Variants in ARHGAP10 observed in about 807,000 individuals in gnomAD.
The protein encoded by ARHGAP10 is Rho GTPase activating protein 10, also known as rho GTPase-activating protein 10.
A neutral mutation model predicts 108.6 loss-of-function variants in ARHGAP10; 87 were observed. The ratio of observed to expected loss-of-function variants is 0.80; its 90% confidence interval spans 0.67 to 0.96. ARHGAP10 has a LOEUF of 0.96. ARHGAP10 is among the 40% of genes least tolerant of loss of function. ARHGAP10 has a pLI of 0.00. For missense variants in ARHGAP10, 939 were observed against 954.5 expected, an observed-to-expected ratio of 0.98 and a Z score of 0.21; for synonymous variants, 347 against 341.1, an observed-to-expected ratio of 1.02 and a Z score of -0.19.
chr4:147,990,237 T>A (rs911239366), intron 18 of ARHGAP10, among the ~76,000 whole-genome samples: 1 of 152,234 alleles, frequency 6.6e-6, no homozygotes, highest in African/African-American at 2.4e-5. Flanking sequence ...CTGCATTTAG[T>A]TAGTGATAAC....
intron 1 of ARHGAP10, among the ~76,000 whole-genome samples, chr4:147,812,275 G>T (rs182007459): frequency 2.8e-4 from 42 of 152,208 alleles, no homozygotes; most frequent in Non-Finnish European, 5.9e-5. Flanking sequence ...GGGGTACTTG[G>T]TTACATATTT....
At chr4:147,939,096 C>T (rs774455744) in intron 13 of ARHGAP10, among the ~76,000 whole-genome samples, 1 of 152,182 alleles carries the variant, frequency 6.6e-6, no homozygotes, top group Non-Finnish European at 1.5e-5. Context: ...ACTCAGTTTG[C>T]TAATTGCATC....
intron 18 of ARHGAP10, among the ~76,000 whole-genome samples, chr4:148,006,535 A>G (rs751368997): frequency 3.3e-5 from 5 of 152,184 alleles, no homozygotes; most frequent in African/African-American, 7.2e-5. Flanking sequence ...GCCACTGTGG[A>G]GCATTAGAGA....
At chr4:148,015,402 A>G (rs948317138) in intron 18 of ARHGAP10, among the ~76,000 whole-genome samples, 1 of 152,214 alleles carries the variant, frequency 6.6e-6, no homozygotes, top group South Asian at 2.1e-4. Context: ...AGTTTGCTCA[A>G]CTGTGAAATA....
intron 1 of ARHGAP10, among the ~76,000 whole-genome samples, chr4:147,762,475 G>A (rs141074622): frequency 9.9e-4 from 150 of 150,812 alleles, no homozygotes; most frequent in African/African-American, 3.4e-3. Context: ...TTGGGTAGGT[G>A]AACTAGCAAA....
chr4:147,932,339 A>G (rs1737735956), intron 13 of ARHGAP10, among the ~76,000 whole-genome samples: 1 of 152,190 alleles, frequency 6.6e-6, no homozygotes, highest in Non-Finnish European at 1.5e-5. Flanking sequence ...GTTTTATTAT[A>G]AAGACGCATG....
rs557525280 is a variant in ARHGAP10 at position 147,793,324 on chromosome 4, T to A, written c.155-29403T>A. On this transcript the variant is annotated intron_variant, in intron 1 of 22. Coordinates refer to ENST00000336498, the MANE Select transcript of ARHGAP10 (RefSeq NM_024605.4). ...CACACACATATATATATATATATTT[T>A]TTTTTTTTTACAAATGTACAGTTGT... Among the ~76,000 whole-genome samples the A allele has an allele frequency of 6.5e-3, 956 of 147,796 alleles. 21 individuals are homozygous for A. Among genetic ancestry groups the A allele is most frequent in the African/African-American group, 0.022 (858 of 39,530 alleles).
chr4:147,935,904 A>G (rs918625933), intron 13 of ARHGAP10, among the ~76,000 whole-genome samples: 4 of 152,240 alleles, frequency 2.6e-5, no homozygotes, highest in African/African-American at 7.2e-5. Context: ...CTCAGTATGC[A>G]TTAGCAATTA....
chr4:147,798,902 G>A (rs1354800640), intron 1 of ARHGAP10, among the ~76,000 whole-genome samples: 1 of 150,748 alleles, frequency 6.6e-6, no homozygotes, highest in Admixed American at 6.6e-5. Flanking sequence ...GTTCGAATTG[G>A]TGTTCCTTAC....
chr4:147,991,421 G>C (rs1740274056), intron 18 of ARHGAP10, among the ~76,000 whole-genome samples: 1 of 152,120 alleles, frequency 6.6e-6, no homozygotes, highest in South Asian at 2.1e-4. Context: ...TTTTTCCCAG[G>C]AGGGGCCTTA....
At chr4:147,890,911 T>G (rs1182385106) in intron 10 of ARHGAP10, among the ~76,000 whole-genome samples, 1 of 152,000 alleles carries the variant, frequency 6.6e-6, no homozygotes, top group Non-Finnish European at 1.5e-5. Flanking sequence ...GAAATGCAGA[T>G]CAAAACCACA....
intron 22 of ARHGAP10, among the ~76,000 whole-genome samples, chr4:148,068,215 G>A (rs1729985832): frequency 6.6e-6 from 1 of 152,182 alleles, no homozygotes; most frequent in Admixed American, 6.5e-5. Context: ...TGAGGCAGGT[G>A]GTTTCCAGGA....
intron 7 of ARHGAP10, among the ~76,000 whole-genome samples, chr4:147,873,311 A>G (rs534981869): frequency 6.6e-6 from 1 of 152,296 alleles, no homozygotes; most frequent in East Asian, 1.9e-4. Flanking sequence ...ATCTAGGGCA[A>G]TTTGAGCATG....
At chr4:147,785,723 G>C (rs1284541961) in intron 1 of ARHGAP10, among the ~76,000 whole-genome samples, 1 of 152,064 alleles carries the variant, frequency 6.6e-6, no homozygotes, top group Non-Finnish European at 1.5e-5. Flanking sequence ...CTCTGTCATT[G>C]TTAGCTGTGA....
At chr4:147,831,399 G>A (rs1487129760) in intron 3 of ARHGAP10, among the ~76,000 whole-genome samples, 8 of 152,194 alleles carry the variant, frequency 5.3e-5, no homozygotes, top group Admixed American at 2.6e-4. Flanking sequence ...TATAGGATAA[G>A]TACCTAAGGC....
intron 1 of ARHGAP10, among the ~76,000 whole-genome samples, chr4:147,751,064 A>G (rs753060726): frequency 4.6e-5 from 7 of 151,618 alleles, no homozygotes; most frequent in Non-Finnish European, 7.4e-5. Context: ...CTATAGTCCC[A>G]TCTACGTGGG....
chr4:147,795,952 C>A (rs924651394), intron 1 of ARHGAP10, among the ~76,000 whole-genome samples: 3 of 152,140 alleles, frequency 2.0e-5, no homozygotes, highest in Non-Finnish European at 4.4e-5. Flanking sequence ...CTCGGCCTCT[C>A]AAAGTGCTGG....
At chr4:147,793,777 G>A (rs754658705) in intron 1 of ARHGAP10, among the ~76,000 whole-genome samples, 8 of 152,148 alleles carry the variant, frequency 5.3e-5, no homozygotes, top group Admixed American at 2.6e-4. Context: ...GCCTGTGTAC[G>A]TGCCTTCCCC....
chr4:147,938,115 A>G (rs1021252414), intron 13 of ARHGAP10, among the ~76,000 whole-genome samples: 12 of 152,220 alleles, frequency 7.9e-5, no homozygotes, highest in African/African-American at 2.9e-4. Context: ...GCAGGAATAG[A>G]AAACCAAACA....
Sources: allele counts gnomAD v4.1 joint callset (sites outside exome capture counted in the v4.1 genomes callset), GRCh38; gene constraint gnomAD v4.1.1; transcripts MANE v1.5; gene names NCBI Gene and HGNC (gene_info 2026-07-23, HGNC 2026-07-21).